Variants in GRM4 observed in about 807,000 individuals in gnomAD.
The protein encoded by GRM4 is glutamate metabotropic receptor 4.
In GRM4, 28 loss-of-function variants were observed where a neutral mutation model predicts 81.7. The observed-to-expected ratio is 0.34, with a 90% CI of 0.25 to 0.47. The LOEUF (loss-of-function observed/expected upper bound fraction) is 0.47. Ranked by LOEUF, GRM4 falls within the 20% of genes least tolerant of loss-of-function variation. The pLI is 1.00. For missense variants in GRM4, 948 were observed against 1,290.0 expected, an observed-to-expected ratio of 0.73 and a Z score of 4.06; for synonymous variants, 488 against 528.8, an observed-to-expected ratio of 0.92 and a Z score of 1.06.
At chr6:34,151,755 C>T (rs1371573146) in intron 1 of GRM4, among the ~76,000 whole-genome samples, 1 of 138,016 alleles carries the variant, frequency 7.2e-6, no homozygotes, top group Non-Finnish European at 1.6e-5. Context: ...ATCCTTTTTC[C>T]GAGCTCTCCA....
chr6:34,043,988 G>A (rs1765135178), intron 6 of GRM4, among the ~76,000 whole-genome samples: 1 of 151,988 alleles, frequency 6.6e-6, no homozygotes, highest in South Asian at 2.1e-4. Flanking sequence ...AAAGACTGGG[G>A]TGCAGTGAAG....
chr6:34,132,506 T>C (rs2127510941), intron 2 of GRM4, among the ~76,000 whole-genome samples: 1 of 152,352 alleles, frequency 6.6e-6, no homozygotes, highest in East Asian at 1.9e-4. Context: ...AACAAAAGTC[T>C]TGCTTTTTCT....
intron 2 of GRM4, among the ~76,000 whole-genome samples, chr6:34,127,940 T>C (rs551419047): frequency 2.0e-5 from 3 of 152,180 alleles, no homozygotes; most frequent in Non-Finnish European, 2.9e-5. Context: ...GCCACACCCA[T>C]AGCCCCGGCT....
chr6:34,127,900 T>C (rs925583897), intron 2 of GRM4, among the ~76,000 whole-genome samples: 5 of 152,130 alleles, frequency 3.3e-5, no homozygotes, highest in Admixed American at 2.6e-4. Context: ...ACAGAACATC[T>C]TGTGGGATCT....
intron 2 of GRM4, among the ~76,000 whole-genome samples, chr6:34,093,285 C>T (rs1322233001): frequency 6.6e-6 from 1 of 152,220 alleles, no homozygotes; most frequent in Non-Finnish European, 1.5e-5. Context: ...GTGTCCCTAT[C>T]CCTGGGGCCA....
intron 5 of GRM4, among the ~76,000 whole-genome samples, chr6:34,058,506 C>T (rs924560972): frequency 6.6e-6 from 1 of 152,156 alleles, no homozygotes; most frequent in Non-Finnish European, 1.5e-5. Context: ...TTAACGAGAA[C>T]GTCACACCTC....
rs116679668 is a variant in GRM4, at chr6:34,034,321, C to T, written c.2442+1347G>A. Among the ~76,000 whole-genome samples the T allele has an allele frequency of 3.7e-3, 559 of 152,298 alleles. 6 individuals carry two copies. Among genetic ancestry groups the T allele is most frequent in the African/African-American group, 0.013 (528 of 41,544 alleles). On this transcript the variant is annotated intron_variant, in intron 9 of 10. Coordinates refer to ENST00000538487, the MANE Select transcript of GRM4 (RefSeq NM_000841.4). The surrounding 1 kb of genome is among the most constrained non-coding windows in gnomAD (Gnocchi z 4.0). The stretch of plus-strand genomic sequence containing the variant: ...GTGTCCTCCTTGACTCGACTGTCTC[C>T]TCGTCTCCCACCCAACGTGCCATCC...
chr6:34,123,790 C>T (rs562304028), intron 2 of GRM4, among the ~76,000 whole-genome samples: 4 of 152,232 alleles, frequency 2.6e-5, no homozygotes, highest in Non-Finnish European at 5.9e-5. Flanking sequence ...TGAACCCAGG[C>T]CAGCTGGCCC....
chr6:34,155,172 G>C (rs1404560783), exon 1 of GRM4: 44 of 1,535,226 alleles, frequency 2.9e-5, no homozygotes, highest in Non-Finnish European at 3.6e-5. Context: ...ATTCGTGCGC[G>C]GCCAGGCTCA....
chr6:34,144,284 CG>C (rs1770825232), intron 1 of GRM4, among the ~76,000 whole-genome samples: 1 of 152,212 alleles, frequency 6.6e-6, no homozygotes, highest in African/African-American at 2.4e-5. Context: ...GCCCCGCCCC[CG>C]CGCGGGGAGG....
intron 10 of GRM4, among the ~76,000 whole-genome samples, chr6:34,026,791 T>A (rs969407057): frequency 6.6e-6 from 1 of 151,956 alleles, no homozygotes. Flanking sequence ...GGGGCCAGGG[T>A]GTCACCTCCG....
At chr6:34,024,832 C>T (rs886848647) in intron 10 of GRM4, 17 of 448,154 alleles carry the variant, frequency 3.8e-5, no homozygotes, top group African/African-American at 6.1e-5. Context: ...GGTGCCACAA[C>T]ATCCAAAAAA....
At position 34,133,300 on chromosome 6, in the gene GRM4, G is replaced by C. The variant is rs779941868; in HGVS notation, c.197C>G (p.Pro66Arg). 6.2e-7 allele frequency: 1 copy of C among 1,614,102 alleles called. No homozygotes were observed. The highest frequency in any genetic ancestry group is 2.2e-5 in the East Asian group (1 of 44,874). The change falls in exon 2 of 11, where the codon CCC becomes CGC. Residue 66 changes from proline to arginine, a missense_variant. By Grantham distance (103) the Pro-to-Arg change is moderately radical. Transcript: ENST00000538487. This position sits in a 1 kb window ranked among gnomAD's most constrained non-coding sequence, Gnocchi z 6.5. ...PVHGRGSEGK[P>R]CGELKKEKGI... ...CTTTTCCTTCTTAAGTTCTCCACAG[G>C]GCTTGCCCTCTGAGCCCCGGCCATG...
intron 2 of GRM4, among the ~76,000 whole-genome samples, chr6:34,113,196 G>C (rs548690580): frequency 6.7e-6 from 1 of 150,178 alleles, no homozygotes; most frequent in South Asian, 2.2e-4. Context: ...ATGTTGCCCA[G>C]GCTGGAGTAC....
intron 6 of GRM4, among the ~76,000 whole-genome samples, chr6:34,044,626 A>ACATG (rs1554181722): frequency 8.5e-6 from 1 of 117,684 alleles, no homozygotes; most frequent in East Asian, 2.6e-4. Flanking sequence ...ACACATATAT[A>ACATG]CACGCAGACA....
At position 34,068,395 on chromosome 6, in the gene GRM4, G is replaced by A. The variant is rs1766598372; in HGVS notation, c.737-6367C>T. On this transcript the variant is annotated intron_variant, in intron 3 of 10. Coordinates refer to ENST00000538487, the MANE Select transcript of GRM4 (RefSeq NM_000841.4). The surrounding 1 kb of genome is among the most constrained non-coding windows in gnomAD (Gnocchi z 4.2). ...ATGAATTCACATTTCTGTCCTGCAC[G>A]ACCTGGGGTTGTCTGAGCCTGAGGT... 6.6e-6 allele frequency among the ~76,000 whole-genome samples: 1 copy of A among 152,152 alleles called. No individual in the cohort carries two copies. The highest frequency in any genetic ancestry group is 2.4e-5 in the African/African-American group (1 of 41,438).
chr6:34,128,831 C>T (rs111935365), intron 2 of GRM4, among the ~76,000 whole-genome samples: 23 of 152,072 alleles, frequency 1.5e-4, no homozygotes, highest in Non-Finnish European at 1.0e-4. Flanking sequence ...AAATGCTTAC[C>T]CCCATGCTGT....
chr6:34,154,808 A>G (rs926603173), intron 1 of GRM4, among the ~76,000 whole-genome samples: 29 of 152,148 alleles, frequency 1.9e-4, no homozygotes, highest in African/African-American at 7.0e-4. Flanking sequence ...GGGCCAGTTC[A>G]GCCACCCCAG....
chr6:34,124,839 AC>A (rs546519435), intron 2 of GRM4, among the ~76,000 whole-genome samples: 9 of 148,566 alleles, frequency 6.1e-5, no homozygotes, highest in South Asian at 2.2e-4. Context: ...GAACTTGAGG[AC>A]CCCCCCCTAG....
Sources: gnomAD v4.1 joint callset for allele counts (sites outside exome capture counted in the v4.1 genomes callset) on GRCh38, gnomAD v4.1.1 for gene constraint, Gnocchi (gnomAD v3.1) non-coding constraint, MANE v1.5 for transcripts, NCBI Gene and HGNC (gene_info 2026-07-23, HGNC 2026-07-21) for gene names.